CTDP1: variants seen among roughly 807,000 people sequenced by gnomAD.
The protein encoded by CTDP1 is CTD phosphatase 1.
In CTDP1, 47 loss-of-function variants were observed where a neutral mutation model predicts 91.8. The ratio of observed to expected loss-of-function variants is 0.51; its 90% CI spans 0.41 to 0.65. The LOEUF (loss-of-function observed/expected upper bound fraction) is 0.65. CTDP1 is among the 30% of genes least tolerant of loss of function. The pLI is 0.00. For synonymous variants in CTDP1, 656 were observed against 598.5 expected (o/e 1.10, Z -1.40); for missense variants, 1,272 against 1,373.7 (o/e 0.93, Z 1.17).
intron 1 of CTDP1, among the ~76,000 whole-genome samples, chr18:79,686,148 T>C (rs1006729216): frequency 2.0e-5 from 3 of 152,198 alleles, no homozygotes; most frequent in African/African-American, 7.2e-5. Flanking sequence ...GATCTAATCT[T>C]TTAGATAAAG....
chr18:79,706,439 C>T (rs778991626), intron 5 of CTDP1, among the ~76,000 whole-genome samples: 6 of 152,210 alleles, frequency 3.9e-5, no homozygotes, highest in Non-Finnish European at 7.3e-5. Context: ...GTGACGCCCA[C>T]TCAAACCAGA....
chr18:79,695,528 G>C (rs749824726), intron 2 of CTDP1, among the ~76,000 whole-genome samples: 1 of 152,184 alleles, frequency 6.6e-6, no homozygotes, highest in Non-Finnish European at 1.5e-5. Flanking sequence ...CTCAGGTGTG[G>C]TGGGGGGGCA....
Position 79,704,852 on chromosome 18 carries a change from T to C in CTDP1, c.707T>C (p.Ile236Thr), listed in dbSNP as rs779807226. ...RPHCKDFLEK[I>T]AKLYELHVFT... ...CACTGCAAGGACTTCCTGGAGAAGA[T>C]CGCCAAGCTGTACGAGCTGCACGTC... The change falls in exon 5 of 13, where the codon ATC (isoleucine) becomes ACC (threonine). Residue 236 changes from isoleucine (I) to threonine (T), a missense_variant. Ile to Thr is a moderately conservative substitution (Grantham distance 89). Coordinates refer to ENST00000613122, the MANE Select transcript of CTDP1 (RefSeq NM_004715.5). 21 of 1,613,902 alleles carry C rather than the reference T, an allele frequency of 1.3e-5. No individual in the cohort carries two copies. Among genetic ancestry groups the C allele is most frequent in the Non-Finnish European group, 1.8e-5 (21 of 1,180,050 alleles).
chr18:79,705,799 ATCC>A (rs1438257851), intron 5 of CTDP1, among the ~76,000 whole-genome samples: 1 of 152,200 alleles, frequency 6.6e-6, no homozygotes, highest in East Asian at 1.9e-4. Context: ...TGAATTTTGA[ATCC>A]TCCTTTAATA....
At position 79,680,234 on chromosome 18, in the gene CTDP1, C is replaced by A; in HGVS notation, c.287C>A (p.Ala96Glu). The change falls in exon 1 of 13, where the codon GCG (alanine) becomes GAG (glutamate). Residue 96 changes from alanine (A) to glutamate (E), a missense_variant. This residue lies in a region of CTDP1 where 214 missense variants were observed against 179.1 expected (regional missense o/e 1.19). Coordinates refer to ENST00000613122, the MANE Select transcript of CTDP1 (RefSeq NM_004715.5). Reference protein sequence around the residue: ...ERAGVVRELCAQPGQVVAPGA... With the variant: ...ERAGVVRELCEQPGQVVAPGA... ...GCGGGCGTGGTGCGGGAGCTGTGCG[C>A]GCAGCCGGGCCAGGTGGTCGCCCCA... 7.6e-7 allele frequency: 1 copy of A among 1,316,726 alleles called. No homozygotes were observed. Among genetic ancestry groups the A allele is most frequent in the Non-Finnish European group, 9.6e-7 (1 of 1,038,176 alleles). The allele number at this position is 1,316,726 out of a possible 1,614,324, so 81.6% of individuals were successfully genotyped here.
intron 10 of CTDP1, among the ~76,000 whole-genome samples, chr18:79,725,248 G>C (rs556814045): frequency 1.3e-5 from 2 of 152,284 alleles, no homozygotes; most frequent in African/African-American, 2.4e-5. Flanking sequence ...GTCACGTTGT[G>C]TGCCGTCTGC....
Position 79,713,042 on chromosome 18 carries a change from C to T in CTDP1, c.934C>T (p.Pro312Ser). The change falls in exon 7 of 13, where the codon CCC (proline) becomes TCC (serine). Residue 312 changes from proline to serine, a missense_variant. This residue lies in a region of CTDP1 where 177 missense variants were observed against 283.0 expected (regional missense o/e 0.63). Transcript: ENST00000613122. This position sits in a 1 kb window ranked among gnomAD's most constrained non-coding sequence, Gnocchi z 4.7. Reference protein sequence around the residue: ...DDREDVWKFAPNLITVKKYVY... With the variant: ...DDREDVWKFASNLITVKKYVY... ...TCGAGAAGATGTCTGGAAGTTTGCCCCCAATCTGATAACTGTGAAGAAATA... is the reference window on the plus strand; with the variant it reads ...TCGAGAAGATGTCTGGAAGTTTGCCTCCAATCTGATAACTGTGAAGAAATA... The T allele has an allele frequency of 2.5e-6, 4 of 1,614,002 alleles. No individual in the cohort carries two copies. The highest frequency in any genetic ancestry group is 3.4e-6 in the Non-Finnish European group (4 of 1,179,996).
chr18:79,714,222 A>G (rs1390469365), intron 7 of CTDP1, among the ~76,000 whole-genome samples: 3 of 152,074 alleles, frequency 2.0e-5, no homozygotes, highest in African/African-American at 7.2e-5. Flanking sequence ...GGTATTTTGG[A>G]TTTTTTGGAT....
intron 3 of CTDP1, among the ~76,000 whole-genome samples, chr18:79,697,506 A>G (rs899907378): frequency 1.3e-5 from 2 of 152,252 alleles, no homozygotes; most frequent in African/African-American, 4.8e-5. Flanking sequence ...AGCTTGGGCC[A>G]CCCAGCGTCT....
rs956469902 is a variant in CTDP1, at chr18:79,750,610, C to T, written c.2748-3042C>T. On this transcript the variant is annotated intron_variant, in intron 12 of 12. Transcript: ENST00000613122. ...CCGGGTTCAAACAATTCTCGTGCCCCGGCTTCCCGAGTAGCTGGGACTACA... is the reference window on the plus strand; with the variant it reads ...CCGGGTTCAAACAATTCTCGTGCCCTGGCTTCCCGAGTAGCTGGGACTACA... 7.3e-5 allele frequency among the ~76,000 whole-genome samples: 11 copies of T among 151,108 alleles called. 1 individual carries two copies. Among genetic ancestry groups the T allele is most frequent in the South Asian group, 4.2e-4 (2 of 4,734 alleles).
At chr18:79,696,452 T>C (rs2085749232) in intron 3 of CTDP1, among the ~76,000 whole-genome samples, 6 of 151,178 alleles carry the variant, frequency 4.0e-5, no homozygotes, top group Admixed American at 3.3e-4. Context: ...TGCCGAGGCA[T>C]GTGCTGGATG....
chr18:79,714,076 AG>A (rs1182569833), intron 7 of CTDP1, among the ~76,000 whole-genome samples: 1 of 150,012 alleles, frequency 6.7e-6, no homozygotes, highest in African/African-American at 2.5e-5. Context: ...CCAGGTCTGC[AG>A]GGGCTTACGG....
At chr18:79,698,357 T>G (rs944538956) in intron 4 of CTDP1, among the ~76,000 whole-genome samples, 2 of 151,990 alleles carry the variant, frequency 1.3e-5, no homozygotes, top group Non-Finnish European at 2.9e-5. Flanking sequence ...GACGTTGGTG[T>G]TGGATGCCTT....
chr18:79,716,779 C>T (rs903843031), intron 8 of CTDP1, among the ~76,000 whole-genome samples: 43 of 152,382 alleles, frequency 2.8e-4, no homozygotes, highest in Admixed American at 1.0e-3. Flanking sequence ...GCTCACGTTT[C>T]CTTTTTGCTT....
In CTDP1 at chr18:79,739,288, G is replaced by A. The variant is rs180974729; in HGVS notation, c.2747+2767G>A. Among the ~76,000 whole-genome samples the A allele has an allele frequency of 1.3e-3, 192 of 152,304 alleles. 1 individual carries two copies. The highest frequency in any genetic ancestry group is 4.2e-3 in the African/African-American group (174 of 41,558). On this transcript the variant is annotated intron_variant, in intron 12 of 12. Transcript: ENST00000613122. ...CGGCCAGCCACGTCATCCAGGATAC[G>A]TGCTGCATCCGTGTCTCCCCCTGTG...
At chr18:79,703,988 A>G (rs2085911899) in intron 4 of CTDP1, among the ~76,000 whole-genome samples, 1 of 152,050 alleles carries the variant, frequency 6.6e-6, no homozygotes, top group Non-Finnish European at 1.5e-5. Flanking sequence ...TGTAGCTGTC[A>G]TCGGTGGTTA....
intron 1 of CTDP1, among the ~76,000 whole-genome samples, chr18:79,680,485 A>G (rs2085339280): frequency 6.6e-6 from 1 of 152,236 alleles, no homozygotes; most frequent in South Asian, 2.1e-4. Flanking sequence ...CTGCGTAGCG[A>G]CACGAAGTTA....
At chr18:79,726,000 G>T (rs539241590) in intron 10 of CTDP1, among the ~76,000 whole-genome samples, 1 of 152,264 alleles carries the variant, frequency 6.6e-6, no homozygotes, top group Admixed American at 6.5e-5. Flanking sequence ...AGATTTGGAG[G>T]GTTTACCTTG....
At chr18:79,712,831 CG>C (rs2086110456) in intron 6 of CTDP1, 140 bp from the exon 7 acceptor site, 3 of 805,770 alleles carry the variant, frequency 3.7e-6, no homozygotes, top group South Asian at 3.2e-5. Flanking sequence ...GAAAGGGCTT[CG>C]GGGCGGTTGG....
Sources: allele counts gnomAD v4.1 joint callset (sites outside exome capture counted in the v4.1 genomes callset), GRCh38; gene constraint gnomAD v4.1.1; regional missense constraint gnomAD v4.1.1; non-coding constraint Gnocchi (gnomAD v3.1); transcripts MANE v1.5; gene names NCBI Gene and HGNC (gene_info 2026-07-23, HGNC 2026-07-21).